COL21A1: variants seen among roughly 807,000 people sequenced by gnomAD.
The protein encoded by COL21A1 is collagen type XXI alpha 1 chain, also known as collagen alpha-1(XXI) chain.
In COL21A1, 149 loss-of-function variants were observed where a neutral mutation model predicts 137.9. The ratio of observed to expected loss-of-function variants is 1.08; its 90% CI spans 0.95 to 1.24. The LOEUF (loss-of-function observed/expected upper bound fraction) is 1.24, where lower values mean the gene tolerates loss of function less well. Ranked by LOEUF, COL21A1 falls within the 50% of genes most tolerant of loss-of-function variation. The pLI, the probability that COL21A1 is intolerant of heterozygous loss-of-function variation, is 0.00. For missense variants in COL21A1, 1,167 were observed against 1,158.4 expected, an observed-to-expected ratio of 1.01 and a Z score of -0.11; for synonymous variants, 456 against 391.5, an observed-to-expected ratio of 1.16 and a Z score of -1.95.
chr6:56,357,936 T>C (rs1343221675), intron 1 of COL21A1, among the ~76,000 whole-genome samples: 1 of 152,206 alleles, frequency 6.6e-6, no homozygotes, highest in East Asian at 1.9e-4. Context: ...TCAGTGAAGA[T>C]AGACTGAATG....
At chr6:56,326,462 C>G (rs1765092563) in intron 1 of COL21A1, among the ~76,000 whole-genome samples, 1 of 151,758 alleles carries the variant, frequency 6.6e-6, no homozygotes, top group African/African-American at 2.4e-5. Context: ...TGTAGCATAC[C>G]CATTGTTTCT....
At chr6:56,221,402 G>T (rs921704090) in intron 1 of COL21A1, among the ~76,000 whole-genome samples, 3 of 152,172 alleles carry the variant, frequency 2.0e-5, no homozygotes, top group African/African-American at 7.2e-5. Context: ...AAATAAGGCA[G>T]TTAAGGTAAA....
At chr6:56,331,179 T>G (rs540435495) in intron 1 of COL21A1, among the ~76,000 whole-genome samples, 67 of 152,214 alleles carry the variant, frequency 4.4e-4, no homozygotes, top group Non-Finnish European at 8.7e-4. Flanking sequence ...TTTGAGTTCT[T>G]TGTAGATTCT....
At chr6:56,057,907 A>G (rs933919504) in intron 29 of COL21A1, 63 bp from the exon 30 acceptor site, 29 of 1,124,622 alleles carry the variant, frequency 2.6e-5, no homozygotes, top group African/African-American at 8.2e-5. Context: ...GAAATAGCCA[A>G]TTCTGCAAGA....
intron 1 of COL21A1, among the ~76,000 whole-genome samples, chr6:56,236,480 C>G (rs1781908484): frequency 6.6e-6 from 1 of 151,936 alleles, no homozygotes; most frequent in Non-Finnish European, 1.5e-5. Flanking sequence ...ATATCACGAA[C>G]AACAATTTGT....
intron 12 of COL21A1, chr6:56,126,391 C>T (rs1490202390): frequency 5.0e-6 from 2 of 400,352 alleles, no homozygotes; most frequent in East Asian, 5.4e-5. Flanking sequence ...CCTGACTCCA[C>T]CCTTAGTTAG....
intron 1 of COL21A1, among the ~76,000 whole-genome samples, chr6:56,302,650 T>C (rs1240534631): frequency 2.0e-5 from 3 of 152,186 alleles, no homozygotes; most frequent in Non-Finnish European, 2.9e-5. Context: ...GATGAGTAGG[T>C]TGCAAAAATT....
At chr6:56,229,556 G>T (rs896222735) in intron 1 of COL21A1, among the ~76,000 whole-genome samples, 16 of 151,798 alleles carry the variant, frequency 1.1e-4, no homozygotes, top group African/African-American at 3.9e-4. Context: ...TCCAAAAATT[G>T]TTGTGCCTTA....
intron 17 of COL21A1, among the ~76,000 whole-genome samples, chr6:56,094,445 C>CA (rs144236815): frequency 0.15 from 23,108 of 152,100 alleles, 1,780 homozygotes; most frequent in Middle Eastern, 0.22. Flanking sequence ...TCCACTTCTT[C>CA]ACTGAGCCCT....
At chr6:56,132,078 T>A (rs967603252) in intron 12 of COL21A1, among the ~76,000 whole-genome samples, 7 of 149,626 alleles carry the variant, frequency 4.7e-5, no homozygotes, top group African/African-American at 1.2e-4. Context: ...ATATAAAAAA[T>A]AAATAGCTTT....
rs115952688 is a variant in COL21A1 at position 56,204,217 on chromosome 6, C to A, written c.-38-21561G>T. ...TGGGTCGCTCCCCCATGGAGCCCAG[C>A]AAGCTAAGATTAACTGGCTTGAAAT... On this transcript the variant is annotated intron_variant, in intron 1 of 29. Coordinates refer to ENST00000244728, the MANE Select transcript of COL21A1 (RefSeq NM_030820.4). 8.2e-3 allele frequency among the ~76,000 whole-genome samples: 1,249 copies of A among 152,238 alleles called. 19 individuals are homozygous for A. The highest frequency in any genetic ancestry group is 0.029 in the African/African-American group (1,204 of 41,526).
chr6:56,284,142 G>A (rs1216434466), intron 1 of COL21A1, among the ~76,000 whole-genome samples: 1 of 152,074 alleles, frequency 6.6e-6, no homozygotes, highest in Non-Finnish European at 1.5e-5. Flanking sequence ...CCACCTCCTG[G>A]GTTCAAGGGA....
chr6:56,314,684 T>C (rs1352870051), intron 1 of COL21A1, among the ~76,000 whole-genome samples: 1 of 152,202 alleles, frequency 6.6e-6, no homozygotes, highest in Non-Finnish European at 1.5e-5. Flanking sequence ...CACTCAGTTT[T>C]CATAGCTCCA....
chr6:56,214,500 T>C (rs1780363889), intron 1 of COL21A1, among the ~76,000 whole-genome samples: 3 of 152,074 alleles, frequency 2.0e-5, no homozygotes, highest in Admixed American at 6.6e-5. Context: ...TAGAGTATGG[T>C]TATCCTCTGA....
chr6:56,305,774 A>ATTATG (rs1764433611), intron 1 of COL21A1, among the ~76,000 whole-genome samples: 1 of 151,700 alleles, frequency 6.6e-6, no homozygotes, highest in Non-Finnish European at 1.5e-5. Context: ...TGATCCTGTC[A>ATTATG]TTATGATGTT....
At chr6:56,305,207 C>T (rs1424563401) in intron 1 of COL21A1, among the ~76,000 whole-genome samples, 2 of 152,112 alleles carry the variant, frequency 1.3e-5, no homozygotes, top group Non-Finnish European at 2.9e-5. Flanking sequence ...AATGTATATT[C>T]TGTTGATTTG....
intron 1 of COL21A1, among the ~76,000 whole-genome samples, chr6:56,301,790 ATGCTGGTG>A (rs1764299084): frequency 1.3e-5 from 2 of 152,032 alleles, no homozygotes; most frequent in South Asian, 4.1e-4. Context: ...TACATGTGCC[ATGCTGGTG>A]TGCTGCACCC....
chr6:56,252,682 C>T (rs1782881445), intron 1 of COL21A1, among the ~76,000 whole-genome samples: 1 of 152,058 alleles, frequency 6.6e-6, no homozygotes, highest in South Asian at 2.1e-4. Context: ...GCTTGGGTCA[C>T]CTATTGACCC....
chr6:56,343,563 A>G (rs1413927527), intron 1 of COL21A1, among the ~76,000 whole-genome samples: 2 of 152,072 alleles, frequency 1.3e-5, no homozygotes, highest in African/African-American at 2.4e-5. Context: ...CTCTTTACTC[A>G]TTTGCTGGGA....
Sources: gnomAD v4.1 joint callset for allele counts (sites outside exome capture counted in the v4.1 genomes callset) on GRCh38, gnomAD v4.1.1 for gene constraint, MANE v1.5 for transcripts, NCBI Gene and HGNC (gene_info 2026-07-23, HGNC 2026-07-21) for gene names.